SLC9A9: variants seen among roughly 807,000 people sequenced by gnomAD.
The protein encoded by SLC9A9 is sodium/hydrogen exchanger 9.
In SLC9A9, 62 loss-of-function variants were observed where a neutral mutation model predicts 77.8. The observed-to-expected ratio is 0.80, with a 90% confidence interval of 0.65 to 0.98. The LOEUF (loss-of-function observed/expected upper bound fraction) is 0.98, where lower values mean the gene tolerates loss of function less well. Among genes scored for constraint, SLC9A9 ranks in the 50% least tolerant of loss-of-function variants. The pLI is 0.00. For missense variants in SLC9A9, 775 were observed against 774.9 expected, an observed-to-expected ratio of 1.00 and a Z score of 0.00; for synonymous variants, 320 against 283.5, an observed-to-expected ratio of 1.13 and a Z score of -1.29.
chr3:143,513,242 C>T (rs1463789261), intron 9 of SLC9A9, among the ~76,000 whole-genome samples: 8 of 152,138 alleles, frequency 5.3e-5, no homozygotes, highest in Non-Finnish European at 1.5e-5. Flanking sequence ...CTTTATCAAC[C>T]AAGTTTATGT....
intron 11 of SLC9A9, among the ~76,000 whole-genome samples, chr3:143,478,062 A>G (rs2035512527): frequency 6.6e-6 from 1 of 152,126 alleles, no homozygotes; most frequent in African/African-American, 2.4e-5. Flanking sequence ...GTTCTCCCCA[A>G]GCCACCCTAA....
chr3:143,571,046 C>A (rs1195458843), intron 8 of SLC9A9, among the ~76,000 whole-genome samples: 1 of 152,034 alleles, frequency 6.6e-6, no homozygotes, highest in Non-Finnish European at 1.5e-5. Context: ...ATTTCTGAAA[C>A]CAATAAAAGG....
At chr3:143,596,967 G>C (rs1327754945) in intron 6 of SLC9A9, among the ~76,000 whole-genome samples, 1 of 152,144 alleles carries the variant, frequency 6.6e-6, no homozygotes, top group East Asian at 1.9e-4. Context: ...CCCAGACCTT[G>C]TATGAGGTCT....
intron 14 of SLC9A9, among the ~76,000 whole-genome samples, chr3:143,308,088 AGT>A (rs1056041604): frequency 4.6e-5 from 7 of 152,316 alleles, no homozygotes; most frequent in African/African-American, 1.7e-4. Context: ...GTAGCTGAGC[AGT>A]GTGTCTGCCT....
At chr3:143,716,440 A>C (rs906052541) in intron 4 of SLC9A9, among the ~76,000 whole-genome samples, 3 of 151,782 alleles carry the variant, frequency 2.0e-5, no homozygotes, top group Non-Finnish European at 4.4e-5. Flanking sequence ...AAATTTTATC[A>C]GTTAATTATC....
chr3:143,572,823 A>C (rs2037287502), intron 8 of SLC9A9, among the ~76,000 whole-genome samples: 2 of 152,188 alleles, frequency 1.3e-5, no homozygotes, highest in African/African-American at 4.8e-5. Flanking sequence ...ATAGGTTCTC[A>C]TTACTAAAAA....
At chr3:143,451,857 A>T (rs574361855) in intron 12 of SLC9A9, among the ~76,000 whole-genome samples, 43 of 152,228 alleles carry the variant, frequency 2.8e-4, no homozygotes, top group African/African-American at 9.9e-4. Flanking sequence ...ACATGATATG[A>T]TTGGCAAATA....
intron 13 of SLC9A9, among the ~76,000 whole-genome samples, chr3:143,374,569 A>G (rs1424108905): frequency 6.6e-6 from 1 of 152,050 alleles, no homozygotes; most frequent in African/African-American, 2.4e-5. Context: ...TATTTAACAG[A>G]TAAAGAAACA....
intron 12 of SLC9A9, among the ~76,000 whole-genome samples, chr3:143,458,056 A>G (rs1221693821): frequency 6.6e-6 from 1 of 152,098 alleles, no homozygotes; most frequent in African/African-American, 2.4e-5. Context: ...GTAAGTGTTA[A>G]TTTGTCTCTC....
chr3:143,306,768 T>A (rs1255394490), intron 14 of SLC9A9, among the ~76,000 whole-genome samples: 1 of 152,188 alleles, frequency 6.6e-6, no homozygotes, highest in Non-Finnish European at 1.5e-5. Context: ...AAAATAGATA[T>A]GCCTATGGCT....
intron 13 of SLC9A9, among the ~76,000 whole-genome samples, chr3:143,366,419 G>T (rs1386217809): frequency 6.6e-6 from 1 of 152,226 alleles, no homozygotes; most frequent in East Asian, 1.9e-4. Context: ...GTCTAGGACT[G>T]CCAGACTCCA....
Position 143,612,510 on chromosome 3 carries a change from C to T in SLC9A9, c.756-33787G>A, listed in dbSNP as rs553581712. On this transcript the variant is annotated intron_variant, in intron 6 of 15. Coordinates refer to ENST00000316549, the MANE Select transcript of SLC9A9 (RefSeq NM_173653.4). ...TGTTTCCAAGAGGCGTCTGGGTATT[C>T]GGATGCCAGACCACCAACATGGATG... 1.3e-5 allele frequency among the ~76,000 whole-genome samples: 2 copies of T among 152,166 alleles called. 1 individual carries two copies. Among genetic ancestry groups the T allele is most frequent in the African/African-American group, 4.8e-5 (2 of 41,450 alleles).
chr3:143,487,090 C>T (rs998229208), intron 11 of SLC9A9, among the ~76,000 whole-genome samples: 2 of 151,754 alleles, frequency 1.3e-5, no homozygotes, highest in Non-Finnish European at 2.9e-5. Context: ...AAAAGATATT[C>T]CATGAAAATA....
At chr3:143,395,918 A>G (rs1247986175) in intron 12 of SLC9A9, among the ~76,000 whole-genome samples, 1 of 152,260 alleles carries the variant, frequency 6.6e-6, no homozygotes, top group Non-Finnish European at 1.5e-5. Context: ...CACACCAGTT[A>G]GAATGGCGAT....
At chr3:143,333,759 C>T (rs968587) in intron 14 of SLC9A9, among the ~76,000 whole-genome samples, 79,104 of 152,078 alleles carry the variant, frequency 0.52, 21,773 homozygotes, top group African/African-American at 0.69. Flanking sequence ...GTAAGAGATG[C>T]TTTATTTACT....
chr3:143,660,889 C>T (rs193000151), intron 5 of SLC9A9, among the ~76,000 whole-genome samples: 84 of 152,228 alleles, frequency 5.5e-4, no homozygotes, highest in African/African-American at 1.8e-3. Flanking sequence ...GGACCAATGA[C>T]GAGGCTGTAG....
chr3:143,672,069 T>C (rs2108765880), intron 5 of SLC9A9, among the ~76,000 whole-genome samples: 1 of 152,342 alleles, frequency 6.6e-6, no homozygotes, highest in South Asian at 2.1e-4. Context: ...TTGCTGTTTA[T>C]AATATGGCAT....
At chr3:143,574,430 AAAAGGTGTCTTC>A (rs2037322035) in intron 7 of SLC9A9, among the ~76,000 whole-genome samples, 1 of 152,196 alleles carries the variant, frequency 6.6e-6, no homozygotes, top group African/African-American at 2.4e-5. Flanking sequence ...GTTCAGATTA[AAAAGGTGTCTTC>A]CTAAGACTAT....
intron 4 of SLC9A9, among the ~76,000 whole-genome samples, chr3:143,794,572 C>T (rs146401453): frequency 6.6e-6 from 1 of 152,312 alleles, no homozygotes; most frequent in African/African-American, 2.4e-5. Context: ...ATATCTGTTT[C>T]AGACTGCTGT....
Sources: gnomAD v4.1 joint callset for allele counts (sites outside exome capture counted in the v4.1 genomes callset) on GRCh38, gnomAD v4.1.1 for gene constraint, MANE v1.5 for transcripts, NCBI Gene and HGNC (gene_info 2026-07-23, HGNC 2026-07-21) for gene names.